The following XPO6 variants were observed in gnomAD, a reference collection of about 807,000 sequenced individuals.
The protein encoded by XPO6 is exportin-6.
A neutral mutation model predicts 130.0 loss-of-function variants in XPO6; 3 were observed. That is an observed-to-expected ratio of 0.02 (90% confidence interval 0.01 to 0.06). The LOEUF (loss-of-function observed/expected upper bound fraction) is 0.06. Among genes scored for constraint, XPO6 ranks in the 10% least tolerant of loss-of-function variants. The pLI is 1.00. For missense variants in XPO6, 970 were observed against 1,393.0 expected (o/e 0.70, Z 4.83); for synonymous variants, 524 against 548.9 (o/e 0.95, Z 0.63).
chr16:28,177,149 C>T (rs968894774), intron 3 of XPO6, 71 bp downstream of exon 3: 151 of 1,009,800 alleles, frequency 1.5e-4, no homozygotes, highest in Non-Finnish European at 2.1e-4. Flanking sequence ...CAGCTCTAGT[C>T]TAGTGCTAAT....
chr16:28,206,539 C>A (rs1051120381), intron 1 of XPO6, among the ~76,000 whole-genome samples: 4 of 151,976 alleles, frequency 2.6e-5, no homozygotes, highest in Non-Finnish European at 4.4e-5. Context: ...CAGAGCAAGA[C>A]CCTGTCTCAA....
chr16:28,123,114 CT>C (rs938416365), intron 13 of XPO6, among the ~76,000 whole-genome samples: 9 of 151,942 alleles, frequency 5.9e-5, no homozygotes, highest in African/African-American at 2.2e-4. Context: ...TTTCTCTCCT[CT>C]TTTTTTTGAG....
intron 21 of XPO6, among the ~76,000 whole-genome samples, chr16:28,103,948 A>T (rs183280982): frequency 1.2e-3 from 187 of 152,326 alleles, no homozygotes; most frequent in Non-Finnish European, 2.2e-3. Context: ...AACGTCAGAC[A>T]CTTGAGTGCA....
At position 28,102,015 on chromosome 16, in the gene XPO6, A is replaced by G. The variant is rs897025342; in HGVS notation, c.2947-70T>C. On this transcript the variant is annotated intron_variant, in intron 21 of 23. Coordinates refer to ENST00000304658, the MANE Select transcript of XPO6 (RefSeq NM_015171.4). Reference sequence around the variant, plus strand: ...TTCTGGAGCATCTACCCCATGTCAGAAGAACAAGTGCCAGGGCCAGGGTAC... The same window carrying G: ...TTCTGGAGCATCTACCCCATGTCAGGAGAACAAGTGCCAGGGCCAGGGTAC... 8.9e-6 allele frequency: 12 copies of G among 1,350,906 alleles called. No homozygotes were observed. In the African/African-American group the frequency reaches 1.7e-4, roughly 19 times the overall value. 83.7% of individuals were successfully genotyped at this position (1,350,906 alleles called of 1,614,324 possible).
intron 1 of XPO6, among the ~76,000 whole-genome samples, chr16:28,202,560 AG>A (rs1232415688): frequency 6.6e-6 from 1 of 152,194 alleles, no homozygotes; most frequent in Non-Finnish European, 1.5e-5. Flanking sequence ...GTCTGGAAGC[AG>A]GGGGGCGCTA....
At chr16:28,173,546 C>T (rs1337277220) in intron 4 of XPO6, among the ~76,000 whole-genome samples, 1 of 152,094 alleles carries the variant, frequency 6.6e-6, no homozygotes, top group Non-Finnish European at 1.5e-5. Flanking sequence ...AAGTCAAGAC[C>T]AGCCTAGGCA....
intron 6 of XPO6, among the ~76,000 whole-genome samples, chr16:28,160,741 T>C (rs1596906705): frequency 6.6e-6 from 1 of 152,274 alleles, no homozygotes; most frequent in East Asian, 1.9e-4. Context: ...CTCTTAAAAA[T>C]TACTAAGCAT....
intron 6 of XPO6, among the ~76,000 whole-genome samples, chr16:28,163,615 A>G (rs1342721849): frequency 6.6e-6 from 1 of 152,198 alleles, no homozygotes; most frequent in Non-Finnish European, 1.5e-5. Flanking sequence ...CAATGTCCAC[A>G]TCTTCCCTCA....
intron 17 of XPO6, among the ~76,000 whole-genome samples, chr16:28,108,988 G>T (rs897083105): frequency 6.6e-6 from 1 of 152,200 alleles, no homozygotes; most frequent in Non-Finnish European, 1.5e-5. Context: ...ACACTGCTGA[G>T]CAGGGAGCCG....
chr16:28,169,247 T>C (rs1394589105), intron 5 of XPO6, among the ~76,000 whole-genome samples: 1 of 152,208 alleles, frequency 6.6e-6, no homozygotes, highest in Non-Finnish European at 1.5e-5. Context: ...CTGTTTATTC[T>C]TACCCTTTAC....
At chr16:28,099,897 G>C (rs2086619007) in intron 23 of XPO6, among the ~76,000 whole-genome samples, 1 of 152,176 alleles carries the variant, frequency 6.6e-6, no homozygotes, top group South Asian at 2.1e-4. Context: ...TTTTAAATCA[G>C]TGGCTCCCAA....
Position 28,135,210 on chromosome 16 carries a change from G to A in XPO6, c.1443+6C>T, listed in dbSNP as rs567445359. 3.7e-6 allele frequency: 6 copies of A among 1,611,522 alleles called. No homozygotes were observed. Among genetic ancestry groups the A allele is most frequent in the East Asian group, 2.2e-5 (1 of 44,848 alleles). On this transcript the variant is annotated splice_donor_region_variant and intron_variant, in intron 10 of 23. Transcript: ENST00000304658. ...GACAAAAAATCAATCAGGGCATGCC[G>A]CTTACATCGTCATCCAGAGTCTCAT...
At chr16:28,126,051 A>G (rs2087397773) in intron 12 of XPO6, among the ~76,000 whole-genome samples, 1 of 152,200 alleles carries the variant, frequency 6.6e-6, no homozygotes, top group African/African-American at 2.4e-5. Flanking sequence ...TGTGCTCCAG[A>G]GTCCAGGGAC....
intron 5 of XPO6, chr16:28,167,102 A>G: frequency 1.0e-6 from 1 of 976,060 alleles, no homozygotes; most frequent in Non-Finnish European, 1.2e-6. Flanking sequence ...AGAGTGACTC[A>G]TCCACTGCTA....
chr16:28,131,947 C>T (rs2042679010), intron 12 of XPO6, among the ~76,000 whole-genome samples: 1 of 152,224 alleles, frequency 6.6e-6, no homozygotes, highest in African/African-American at 2.4e-5. Flanking sequence ...GGACCACAGG[C>T]CATCAGCTGC....
intron 2 of XPO6, among the ~76,000 whole-genome samples, chr16:28,180,595 G>A (rs1008491928): frequency 3.9e-5 from 6 of 152,014 alleles, no homozygotes; most frequent in Admixed American, 2.6e-4. Context: ...TATTCAGGAG[G>A]CTGAGATGGA....
chr16:28,211,279 A>G (rs1446625990), intron 1 of XPO6, 87 bp downstream of exon 1: 2 of 1,270,842 alleles, frequency 1.6e-6, no homozygotes, highest in Admixed American at 3.5e-5. Flanking sequence ...CCATGGGGAG[A>G]GCAGCGATGG....
chr16:28,106,166 C>T lies in XPO6; in HGVS notation c.2661G>A (p.Arg887=), dbSNP rs35178107. The change falls in exon 20 of 24, where the codon CGG becomes CGA. Residue 887 remains arginine (R), a synonymous_variant. Coordinates refer to ENST00000304658, the MANE Select transcript of XPO6 (RefSeq NM_015171.4). This position sits in a 1 kb window ranked among gnomAD's most constrained non-coding sequence, Gnocchi z 4.2. The part of the protein sequence containing the change: ...SILHEGSTGC[R]VVEKFLKILQ... ...GGATCTTCAGAAACTTCTCCACCAC[C>T]CGGCAGCCTGTGCTGCCCTCGTGGA... 3.1e-3 allele frequency: 4,995 copies of T among 1,614,158 alleles called. 142 individuals are homozygous for T. The African/African-American group carries it at 0.06, about 20-fold the overall frequency.
At chr16:28,169,512 A>G (rs2043415605) in intron 5 of XPO6, among the ~76,000 whole-genome samples, 2 of 152,190 alleles carry the variant, frequency 1.3e-5, no homozygotes, top group Admixed American at 1.3e-4. Context: ...TACCTCACTG[A>G]TCACAGTTAC....
Sources: allele counts gnomAD v4.1 joint callset (sites outside exome capture counted in the v4.1 genomes callset), GRCh38; gene constraint gnomAD v4.1.1; non-coding constraint Gnocchi (gnomAD v3.1); transcripts MANE v1.5; gene names NCBI Gene and HGNC (gene_info 2026-07-23, HGNC 2026-07-21).